Variants in TMEM196 observed in about 807,000 individuals in gnomAD.
TMEM196 encodes transmembrane protein 196.
A neutral mutation model predicts 20.0 loss-of-function variants in TMEM196; 17 were observed. The observed-to-expected ratio is 0.85, with a 90% confidence interval of 0.58 to 1.27. The LOEUF is 1.27. TMEM196 is among the 50% of genes most tolerant of loss of function. TMEM196 has a pLI of 0.00. For synonymous variants in TMEM196, 113 were observed against 88.9 expected (o/e 1.27, Z -1.52); for missense variants, 267 against 223.0 (o/e 1.20, Z -1.26).
intron 1 of TMEM196, among the ~76,000 whole-genome samples, chr7:19,755,156 T>C (rs1785153688): frequency 6.6e-6 from 1 of 152,248 alleles, no homozygotes; most frequent in African/African-American, 2.4e-5. Flanking sequence ...ACTTTATTTG[T>C]GATGCTTTCT....
intron 1 of TMEM196, among the ~76,000 whole-genome samples, chr7:19,754,720 C>G (rs1785133273): frequency 6.6e-6 from 1 of 152,074 alleles, no homozygotes; most frequent in Non-Finnish European, 1.5e-5. Flanking sequence ...GGTGGCGACT[C>G]TATCTTCCTT....
At chr7:19,763,061 T>C (rs957064654) in intron 1 of TMEM196, among the ~76,000 whole-genome samples, 1 of 152,222 alleles carries the variant, frequency 6.6e-6, no homozygotes, top group Non-Finnish European at 1.5e-5. Flanking sequence ...TTTTACCTTC[T>C]CTGTGCCTGG....
Position 19,772,761 on chromosome 7 carries a change from A to T in TMEM196, c.-65T>A. ...TCAACCATCTACCTTTTTTTCTTCC[A>T]CTATCCTCCTTACCCCTTCCACCCC... On this transcript the variant is annotated 5_prime_UTR_variant, in exon 1 of 5. Transcript: ENST00000405844. The T allele has an allele frequency of 7.2e-7, 1 of 1,397,148 alleles. No individual in the cohort carries two copies. The allele number at this position is 1,397,148 out of a possible 1,614,324, so 86.5% of individuals were successfully genotyped here.
At chr7:19,724,395 T>C (rs1246046079) in intron 3 of TMEM196, 42 bp from the exon 4 acceptor site, 5 of 1,526,586 alleles carry the variant, frequency 3.3e-6, no homozygotes, top group East Asian at 2.5e-5. Flanking sequence ...ATTGCACAAA[T>C]ATATACAGAA....
In TMEM196 at chr7:19,720,323, T is replaced by C. The variant is rs1450216482; in HGVS notation, c.*1805A>G. The C allele has an allele frequency of 6.6e-6, 1 of 152,042 alleles. No individual in the cohort carries two copies. Among genetic ancestry groups the C allele is most frequent in the Non-Finnish European group, 1.5e-5 (1 of 67,904 alleles). 9.4% of individuals were successfully genotyped at this position (152,042 alleles called of 1,614,324 possible). On this transcript the variant is annotated 3_prime_UTR_variant, in exon 5 of 5. Coordinates refer to ENST00000405844, the MANE Select transcript of TMEM196 (RefSeq NM_001363562.2). ...AGAATTTTAAGTGAGCTGATTTAAA[T>C]AGGTTAAACGATGATCATGTTGCTA...
chr7:19,764,934 A>T (rs998946083), intron 1 of TMEM196, among the ~76,000 whole-genome samples: 1 of 152,194 alleles, frequency 6.6e-6, no homozygotes, highest in Non-Finnish European at 1.5e-5. Flanking sequence ...AAAGTTTTTC[A>T]TGAAAATTTC....
chr7:19,734,015 CCA>C (rs1000714535), intron 1 of TMEM196, among the ~76,000 whole-genome samples: 9 of 152,122 alleles, frequency 5.9e-5, no homozygotes, highest in African/African-American at 2.2e-4. Context: ...AGGATACCCT[CCA>C]CCCCAACCCT....
At chr7:19,736,353 C>CTATATATATATATA (rs71017071) in intron 1 of TMEM196, among the ~76,000 whole-genome samples, 11 of 37,994 alleles carry the variant, frequency 2.9e-4, no homozygotes, top group African/African-American at 4.3e-4. Flanking sequence ...GTGGTTCCTA[C>CTATATATATATATA]TATATATATA....
intron 1 of TMEM196, among the ~76,000 whole-genome samples, chr7:19,746,159 A>C (rs1784742859): frequency 6.6e-6 from 1 of 152,198 alleles, no homozygotes; most frequent in Non-Finnish European, 1.5e-5. Context: ...AACAATGGAA[A>C]GGAGTTATAT....
At chr7:19,744,309 G>T (rs1048663711) in intron 1 of TMEM196, among the ~76,000 whole-genome samples, 10 of 152,084 alleles carry the variant, frequency 6.6e-5, no homozygotes, top group African/African-American at 2.2e-4. Flanking sequence ...TTGCATACAA[G>T]ATTTAACACT....
At chr7:19,757,166 C>A (rs1043712992) in intron 1 of TMEM196, among the ~76,000 whole-genome samples, 1 of 144,640 alleles carries the variant, frequency 6.9e-6, no homozygotes, top group African/African-American at 2.6e-5. Flanking sequence ...TCTTATATTG[C>A]AGTAGATACT....
At chr7:19,772,503 T>C in intron 1 of TMEM196, 47 bp downstream of exon 1, 1 of 1,489,796 alleles carries the variant, frequency 6.7e-7, no homozygotes, top group Non-Finnish European at 9.0e-7. Flanking sequence ...CGTAAAGAGG[T>C]AAAGAGAGAG....
chr7:19,724,317 A>T lies in TMEM196; in HGVS notation c.496T>A (p.Cys166Ser). The T allele has an allele frequency of 6.4e-7, 1 of 1,550,466 alleles. No individual in the cohort carries two copies. Among genetic ancestry groups the T allele is most frequent in the South Asian group, 1.2e-5 (1 of 84,060 alleles). Residue 166 changes from cysteine (C) to serine (S), a missense_variant, in exon 4 of 5, where the codon TGC becomes AGC. Transcript: ENST00000405844. The stretch of plus-strand genomic sequence containing the variant: ...TCTGGTGTCGGGGGCACCACCGGGC[A>T]GCTGGGCAAGTCGGTTATTTCAATA... Reference protein sequence around the residue: ...RAIEITDLPSCPVVPPTPELP... With the variant: ...RAIEITDLPSSPVVPPTPELP...
At chr7:19,763,347 G>C (rs1365753936) in intron 1 of TMEM196, among the ~76,000 whole-genome samples, 1 of 152,036 alleles carries the variant, frequency 6.6e-6, no homozygotes, top group African/African-American at 2.4e-5. Context: ...AATCCATATG[G>C]AAAAATAATT....
intron 1 of TMEM196, among the ~76,000 whole-genome samples, chr7:19,736,385 ATATATATATATATAT>A: frequency 1.8e-5 from 1 of 54,768 alleles, no homozygotes; most frequent in South Asian, 6.8e-4. Flanking sequence ...ATATATATAT[ATATATATATATATAT>A]AAATTATCTC....
chr7:19,755,129 A>T (rs181096874), intron 1 of TMEM196, among the ~76,000 whole-genome samples: 2 of 152,292 alleles, frequency 1.3e-5, no homozygotes, highest in Admixed American at 6.5e-5. Flanking sequence ...GAACATCAGG[A>T]TTCAGTGCAA....
chr7:19,725,752 G>C lies in TMEM196; in HGVS notation c.221C>G (p.Ala74Gly). Reference sequence around the variant, plus strand: ...CCCAATAAGTCCACAGATACAGCAGGCTGAAAAGAGGATCATCTGATAAGA... The same window carrying C: ...CCCAATAAGTCCACAGATACAGCAGCCTGAAAAGAGGATCATCTGATAAGA... ...KSGLVMILFS[A>G]CCICGLIGGI... Residue 74 changes from alanine (A) to glycine (G), a missense_variant, in exon 3 of 5, where the codon GCC becomes GGC. Transcript: ENST00000405844. The C allele has an allele frequency of 6.2e-7, 1 of 1,601,398 alleles. No individual in the cohort carries two copies. The highest frequency in any genetic ancestry group is 8.5e-7 in the Non-Finnish European group (1 of 1,171,382).
chr7:19,730,916 C>G (rs1270107558), intron 1 of TMEM196, among the ~76,000 whole-genome samples: 2 of 151,958 alleles, frequency 1.3e-5, no homozygotes, highest in African/African-American at 4.8e-5. Flanking sequence ...ATTATTTGCC[C>G]AATAAATAGA....
intron 1 of TMEM196, among the ~76,000 whole-genome samples, chr7:19,736,768 A>G (rs1171649090): frequency 3.9e-5 from 6 of 151,962 alleles, no homozygotes; most frequent in Non-Finnish European, 7.4e-5. Context: ...AGAAACATGG[A>G]GTCAATGTTC....
Sources: allele counts gnomAD v4.1 joint callset (sites outside exome capture counted in the v4.1 genomes callset), GRCh38; gene constraint gnomAD v4.1.1; transcripts MANE v1.5; gene names NCBI Gene and HGNC (gene_info 2026-07-23, HGNC 2026-07-21).